The following C2orf92 variants were observed in gnomAD, a reference collection of about 807,000 sequenced individuals.
The protein encoded by C2orf92 is chromosome 2 open reading frame 92.
At chr2:97,673,738 G>A (rs1675486523) in intron 1 of C2orf92, among the ~76,000 whole-genome samples, 1 of 152,004 alleles carries the variant, frequency 6.6e-6, no homozygotes, top group Non-Finnish European at 1.5e-5. Flanking sequence ...GATGGCTCGG[G>A]GAGGCACACC....
At chr2:97,671,887 A>C (rs1013095890) in intron 1 of C2orf92, 2 of 170,308 alleles carry the variant, frequency 1.2e-5, no homozygotes, top group Non-Finnish European at 2.5e-5. Context: ...TTAACAATTG[A>C]GACATTCCAC....
chr2:97,695,708 G>A (rs1676283692), intron 5 of C2orf92, among the ~76,000 whole-genome samples: 1 of 151,962 alleles, frequency 6.6e-6, no homozygotes, highest in Non-Finnish European at 1.5e-5. Flanking sequence ...TTCAGGAGAA[G>A]CCAGGACAAC....
At chr2:97,678,876 A>G (rs1675669890) in intron 3 of C2orf92, among the ~76,000 whole-genome samples, 1 of 151,302 alleles carries the variant, frequency 6.6e-6, no homozygotes, top group Non-Finnish European at 1.5e-5. Context: ...TATTCAGCAC[A>G]CTGAGGTGGG....
chr2:97,664,777 G>T (rs1205153242), upstream of C2orf92: 2 of 152,134 alleles, frequency 1.3e-5, no homozygotes, highest in Non-Finnish European at 2.9e-5. Context: ...ATCTCGCTAT[G>T]TTCCCCGGGC....
At chr2:97,693,079 A>G (rs191202489) in intron 5 of C2orf92, among the ~76,000 whole-genome samples, 3 of 152,146 alleles carry the variant, frequency 2.0e-5, no homozygotes, top group African/African-American at 7.2e-5. Context: ...ATCATACAGT[A>G]TTTGTCTTTT....
intron 2 of C2orf92, 59 bp downstream of exon 2, chr2:97,674,616 T>C: frequency 2.5e-6 from 1 of 398,176 alleles, no homozygotes; most frequent in Non-Finnish European, 4.4e-6. Context: ...CTGTGTTATC[T>C]CAAATATGCG....
upstream of C2orf92, among the ~76,000 whole-genome samples, chr2:97,665,259 A>G (rs967749518): frequency 6.6e-6 from 1 of 152,232 alleles, no homozygotes; most frequent in East Asian, 1.9e-4. Flanking sequence ...TGAGCATAAA[A>G]TTTGTAAAAT....
At chr2:97,701,418 G>A in intron 7 of C2orf92, 114 bp downstream of exon 7, 1 of 392,776 alleles carries the variant, frequency 2.5e-6, no homozygotes, top group African/African-American at 2.1e-5. Context: ...CTGCAAGCCT[G>A]GTTGTGCTTC....
upstream of C2orf92, among the ~76,000 whole-genome samples, chr2:97,667,240 A>G (rs1271206501): frequency 6.7e-6 from 1 of 150,292 alleles, no homozygotes; most frequent in African/African-American, 2.5e-5. Context: ...TCTGAACAGT[A>G]TATGAGGCAC....
intron 3 of C2orf92, among the ~76,000 whole-genome samples, chr2:97,688,347 G>A (rs958713719): frequency 2.6e-5 from 4 of 152,054 alleles, no homozygotes; most frequent in Admixed American, 6.5e-5. Flanking sequence ...GCTGTTTTCT[G>A]TGACTTAGCA....
intron 1 of C2orf92, among the ~76,000 whole-genome samples, chr2:97,673,186 C>G (rs1400982406): frequency 1.3e-5 from 2 of 152,152 alleles, no homozygotes; most frequent in Non-Finnish European, 1.5e-5. Context: ...CTTCAAAACT[C>G]TCTGAGGACA....
intron 3 of C2orf92, among the ~76,000 whole-genome samples, chr2:97,687,502 A>G (rs917231280): frequency 3.9e-5 from 6 of 152,224 alleles, no homozygotes; most frequent in African/African-American, 1.2e-4. Flanking sequence ...GTTCTGAACC[A>G]CAGCTGTCTG....
At chr2:97,701,071 A>G (rs1676479959) in intron 6 of C2orf92, 83 bp from the exon 7 acceptor site, 1 of 396,260 alleles carries the variant, frequency 2.5e-6, no homozygotes, top group Non-Finnish European at 4.4e-6. Context: ...TGGAATGAAC[A>G]GGTGTCCCTT....
rs372334285 is a variant in C2orf92, at chr2:97,695,736, CTTTCTTTTCT to C, written c.404-3271_404-3262del. Among the ~76,000 whole-genome samples, 196 of 151,400 alleles carry C rather than the reference CTTTCTTTTCT, an allele frequency of 1.3e-3. No individual in the cohort carries two copies. In the Middle Eastern group the frequency reaches 0.02, roughly 16 times the overall value. On this transcript the variant is annotated intron_variant, in intron 5 of 7. Transcript: ENST00000627399. ...AGGACAACATTTTTTCTTTTATTTTCTTTCTTTTCTTTTCTTTTCTTTTCTTTTTCTTTGA... is the reference window on the plus strand; with the variant it reads ...AGGACAACATTTTTTCTTTTATTTTCTTTCTTTTCTTTTCTTTTTCTTTGA...
chr2:97,694,869 T>C (rs1676262002), intron 5 of C2orf92, among the ~76,000 whole-genome samples: 1 of 152,212 alleles, frequency 6.6e-6, no homozygotes, highest in Non-Finnish European at 1.5e-5. Context: ...AGGGTTCCAG[T>C]TTCTCCACAT....
intron 5 of C2orf92, chr2:97,697,377 CTGGT>C (rs1676342399): frequency 2.6e-5 from 4 of 152,204 alleles, no homozygotes; most frequent in African/African-American, 9.7e-5. Context: ...GCTCTTGCCT[CTGGT>C]AGAGAAAGAG....
intron 5 of C2orf92, among the ~76,000 whole-genome samples, chr2:97,691,875 C>T (rs1482973190): frequency 7.9e-5 from 12 of 152,082 alleles, no homozygotes; most frequent in Admixed American, 3.3e-4. Flanking sequence ...GCAACAAGAG[C>T]GAAACTCCGT....
chr2:97,683,052 T>G (rs1055734646), intron 3 of C2orf92, among the ~76,000 whole-genome samples: 3 of 150,652 alleles, frequency 2.0e-5, no homozygotes, highest in African/African-American at 7.3e-5. Flanking sequence ...GACTTGATCT[T>G]ATATGTTGAA....
chr2:97,696,168 G>A (rs1415426974), intron 5 of C2orf92, among the ~76,000 whole-genome samples: 1 of 152,194 alleles, frequency 6.6e-6, no homozygotes, highest in Non-Finnish European at 1.5e-5. Flanking sequence ...TAACATTGAA[G>A]GTCTTTAAAA....
Sources: gnomAD v4.1 joint callset for allele counts (sites outside exome capture counted in the v4.1 genomes callset) on GRCh38, gnomAD v4.1.1 for gene constraint, MANE v1.5 for transcripts, NCBI Gene and HGNC (gene_info 2026-07-23, HGNC 2026-07-21) for gene names.